Variants in PDSS1 observed in about 807,000 individuals in gnomAD.
PDSS1 encodes all trans-polyprenyl-diphosphate synthase PDSS1.
In PDSS1, 43 loss-of-function variants were observed where a neutral mutation model predicts 57.5. The ratio of observed to expected loss-of-function variants is 0.75; its 90% CI spans 0.59 to 0.96. The LOEUF (loss-of-function observed/expected upper bound fraction) is 0.96. Among genes scored for constraint, PDSS1 ranks in the 50% least tolerant of loss-of-function variants. The pLI is 0.00. For synonymous variants in PDSS1, 175 were observed against 191.3 expected, an observed-to-expected ratio of 0.91 and a Z score of 0.70; for missense variants, 438 against 527.8, an observed-to-expected ratio of 0.83 and a Z score of 1.67.
Position 26,742,512 on chromosome 10 carries a change from G to A in PDSS1, c.1042G>A (p.Ala348Thr). The A allele has an allele frequency of 6.2e-7, 1 of 1,611,376 alleles. No individual in the cohort carries two copies. Among genetic ancestry groups the A allele is most frequent in the Non-Finnish European group, 8.5e-7 (1 of 1,178,082 alleles). ...TTTTTGTTAGTTCCCAGAAATGAAT[G>A]CTATGATCATGCGACGGTTCAGTTT... ...FACQQFPEMN[A>T]MIMRRFSLPG... Residue 348 changes from alanine (A) to threonine (T), a missense_variant, in exon 11 of 12, where the codon GCT (alanine) becomes ACT (threonine). Physicochemically the swap from Ala to Thr is moderately conservative, Grantham distance 58 (BLOSUM62 0). Transcript: ENST00000376215.
intron 4 of PDSS1, among the ~76,000 whole-genome samples, chr10:26,706,166 G>A (rs1437291040): frequency 6.6e-6 from 1 of 152,212 alleles, no homozygotes; most frequent in East Asian, 1.9e-4. Flanking sequence ...CAATTTAGGA[G>A]GCCAAAGCAA....
chr10:26,720,365 G>T lies in PDSS1; in HGVS notation c.609+6G>T. 1 of 1,594,076 alleles carries T rather than the reference G, an allele frequency of 6.3e-7. No homozygotes were observed. The highest frequency in any genetic ancestry group is 1.1e-5 in the South Asian group (1 of 90,668). On this transcript the variant is annotated splice_donor_region_variant and intron_variant, in intron 6 of 11. Coordinates refer to ENST00000376215, the MANE Select transcript of PDSS1 (RefSeq NM_014317.5). Reference sequence around the variant, plus strand: ...AGATCTGGGGTGAAAAGAAGGTATGGTTTTTTGGTTTTTTTAAAATCTCTC... The same window carrying T: ...AGATCTGGGGTGAAAAGAAGGTATGTTTTTTTGGTTTTTTTAAAATCTCTC...
At chr10:26,745,671 A>G (rs1016441847) in intron 11 of PDSS1, among the ~76,000 whole-genome samples, 1 of 152,018 alleles carries the variant, frequency 6.6e-6, no homozygotes, top group Non-Finnish European at 1.5e-5. Context: ...ACATGACAAA[A>G]CCCCATCTCT....
intron 10 of PDSS1, chr10:26,740,620 C>T (rs1283117227): frequency 4.4e-6 from 2 of 456,614 alleles, no homozygotes; most frequent in South Asian, 1.5e-5. Context: ...GTCATGGTTA[C>T]AGGACAACTT....
rs905436294 is a variant in PDSS1 at position 26,697,780 on chromosome 10, C to T, written c.69C>T (p.Pro23=). 28 of 1,299,104 alleles carry T rather than the reference C, an allele frequency of 2.2e-5. No individual in the cohort carries two copies. The highest frequency in any genetic ancestry group is 4.6e-5 in the African/African-American group (3 of 64,766). 80.5% of individuals were successfully genotyped at this position (1,299,104 alleles called of 1,614,324 possible). Residue 23 remains proline, a synonymous_variant, in exon 1 of 12, where the codon CCC becomes CCT. Coordinates refer to ENST00000376215, the MANE Select transcript of PDSS1 (RefSeq NM_014317.5). ...SWKPAARSPG[P]GSPGRAGPLG... is the part of the protein sequence containing the mutation. ...AGCCGGCGGCGCGGAGCCCCGGGCC[C>T]GGCTCCCCCGGCCGTGCGGGACCGT...
chr10:26,725,256 A>G (rs566155891), intron 8 of PDSS1, among the ~76,000 whole-genome samples: 24 of 152,350 alleles, frequency 1.6e-4, no homozygotes, highest in African/African-American at 5.1e-4. Flanking sequence ...GACTCCTAAC[A>G]TAATTAACAG....
chr10:26,728,490 C>CAAAAAAAAAAAA (rs1182551497), intron 8 of PDSS1, among the ~76,000 whole-genome samples: 1 of 145,310 alleles, frequency 6.9e-6, no homozygotes, highest in African/African-American at 2.5e-5. Flanking sequence ...AACTCCATCT[C>CAAAAAAAAAAAA]AAAAAAAAAA....
At chr10:26,706,139 C>T (rs192833495) in intron 4 of PDSS1, among the ~76,000 whole-genome samples, 9 of 152,274 alleles carry the variant, frequency 5.9e-5, no homozygotes, top group South Asian at 2.1e-4. Flanking sequence ...CACCGTGGCT[C>T]GTGCCTGTAA....
chr10:26,711,073 C>T lies in PDSS1; in HGVS notation c.467+1305C>T, dbSNP rs949538593. Among the ~76,000 whole-genome samples the T allele has an allele frequency of 2.0e-5, 2 of 98,172 alleles. 1 individual carries two copies. The highest frequency in any genetic ancestry group is 4.7e-5 in the Non-Finnish European group (2 of 42,330). The allele number at this position is 98,172 out of a possible 152,430, so 64.4% of individuals were successfully genotyped here. A position where few individuals can be genotyped will look rare whatever the true frequency, so the allele number is the denominator to read the frequency against. ...ACTGACGGGGGATCTGGGGGCATGT[C>T]TCAGAATCCACCACAACTCTGTTTT... On this transcript the variant is annotated intron_variant, in intron 5 of 11. Coordinates refer to ENST00000376215, the MANE Select transcript of PDSS1 (RefSeq NM_014317.5).
rs370964421 is a variant in PDSS1, at chr10:26,738,843, TA to T, written c.1026+3269del. Among the ~76,000 whole-genome samples the T allele has an allele frequency of 4.7e-4, 72 of 152,314 alleles. 1 individual carries two copies. The highest frequency in any genetic ancestry group is 1.7e-3 in the African/African-American group (71 of 41,558). ...CTGATAACAGTTGGTTCAGAGGATT[TA>T]AAAAGAGTTTTGGGGATTTCTGGAG... On this transcript the variant is annotated intron_variant, in intron 10 of 11. Transcript: ENST00000376215.
At chr10:26,709,209 C>T (rs1459671569) in intron 4 of PDSS1, among the ~76,000 whole-genome samples, 3 of 152,298 alleles carry the variant, frequency 2.0e-5, no homozygotes, top group East Asian at 1.9e-4. Flanking sequence ...GCCTTGCCCA[C>T]GGAGTGTTGA....
chr10:26,729,903 CCTTTTTTTTTTT>C (rs1220886333), intron 8 of PDSS1, among the ~76,000 whole-genome samples: 26,180 of 125,328 alleles, frequency 0.21, 2,500 homozygotes, highest in Admixed American at 0.28. Flanking sequence ...ATAGTTGGTT[CCTTTTTTTTTTT>C]TTTTTTTTTT....
chr10:26,729,542 C>T (rs1489773100), intron 8 of PDSS1, among the ~76,000 whole-genome samples: 1 of 152,168 alleles, frequency 6.6e-6, no homozygotes, highest in East Asian at 1.9e-4. Flanking sequence ...GACCTGGCTC[C>T]TCTTCTCCGC....
At chr10:26,723,707 C>G (rs1016141771) in intron 6 of PDSS1, 99 bp from the exon 7 acceptor site, 1 of 827,682 alleles carries the variant, frequency 1.2e-6, no homozygotes, top group Admixed American at 1.7e-5. Flanking sequence ...AAGATGAGCC[C>G]CCACTTCCAC....
intron 11 of PDSS1, among the ~76,000 whole-genome samples, 198 bp downstream of exon 11, chr10:26,742,775 A>T (rs1366989505): frequency 2.6e-5 from 4 of 151,780 alleles, no homozygotes; most frequent in Admixed American, 2.6e-4. Context: ...CTACTTACGA[A>T]ATGTTTTGTT....
At chr10:26,738,769 CCT>C (rs1000250712) in intron 10 of PDSS1, among the ~76,000 whole-genome samples, 8 of 152,190 alleles carry the variant, frequency 5.3e-5, no homozygotes, top group African/African-American at 1.9e-4. Context: ...ACAGAAACTC[CCT>C]GTCTTTTGGA....
intron 1 of PDSS1, among the ~76,000 whole-genome samples, chr10:26,699,929 G>T (rs1392651916): frequency 6.6e-6 from 1 of 152,078 alleles, no homozygotes; most frequent in African/African-American, 2.4e-5. Flanking sequence ...GTGTATTTTG[G>T]TTACTTCAAG....
chr10:26,736,811 T>A (rs1836422064), intron 10 of PDSS1, among the ~76,000 whole-genome samples: 3 of 152,170 alleles, frequency 2.0e-5, no homozygotes. Context: ...AAATAGGTCC[T>A]CTCTCCCAAT....
At chr10:26,733,002 C>T (rs1233055782) in intron 8 of PDSS1, among the ~76,000 whole-genome samples, 6 of 152,086 alleles carry the variant, frequency 3.9e-5, no homozygotes, top group Admixed American at 3.9e-4. Context: ...GCAGGAGAAT[C>T]GCTTGAACTT....
Sources: gnomAD v4.1 joint callset for allele counts (sites outside exome capture counted in the v4.1 genomes callset) on GRCh38, gnomAD v4.1.1 for gene constraint, MANE v1.5 for transcripts, NCBI Gene and HGNC (gene_info 2026-07-23, HGNC 2026-07-21) for gene names.